PTK2: variants seen among roughly 807,000 people sequenced by gnomAD.
PTK2 encodes the protein protein tyrosine kinase 2, also known as focal adhesion kinase 1.
A neutral mutation model predicts 150.1 loss-of-function variants in PTK2; 45 were observed. The ratio of observed to expected loss-of-function variants is 0.30; its 90% confidence interval spans 0.24 to 0.38. The LOEUF is 0.38. PTK2 is among the 10% of genes least tolerant of loss of function. The pLI, the probability that PTK2 is intolerant of heterozygous loss-of-function variation, is 1.00. For missense variants in PTK2, 919 were observed against 1,307.3 expected, an observed-to-expected ratio of 0.70 and a Z score of 4.58; for synonymous variants, 432 against 449.2, an observed-to-expected ratio of 0.96 and a Z score of 0.48.
rs80267422 is a variant in PTK2, at chr8:140,884,554, C to A, written c.196-4917G>T. ...GAGAACAGCTTACACTTCTAACACA[C>A]ACAAAGTGTCCAGTGATGACACCTA... is the stretch of plus-strand genomic sequence containing the variant. On this transcript the variant is annotated intron_variant, in intron 3 of 31. Coordinates refer to ENST00000522684, the Ensembl canonical transcript of PTK2. Among the ~76,000 whole-genome samples, 5 of 152,266 alleles carry A rather than the reference C, an allele frequency of 3.3e-5. No individual in the cohort carries two copies. In the East Asian group the frequency reaches 9.7e-4, roughly 29 times the overall value.
At chr8:140,998,811 T>A (rs1294091331) in intron 1 of PTK2, among the ~76,000 whole-genome samples, 15 of 127,264 alleles carry the variant, frequency 1.2e-4, no homozygotes, top group African/African-American at 3.4e-4. Flanking sequence ...AGGGTGAGAC[T>A]CCGTCTCAAA....
At chr8:140,916,939 C>T (rs774940367) in intron 2 of PTK2, among the ~76,000 whole-genome samples, 2 of 152,152 alleles carry the variant, frequency 1.3e-5, no homozygotes, top group Non-Finnish European at 2.9e-5. Flanking sequence ...AGAGAGCTTA[C>T]AAACATTTGT....
At chr8:140,970,589 C>T (rs559248418) in intron 1 of PTK2, among the ~76,000 whole-genome samples, 88 of 152,342 alleles carry the variant, frequency 5.8e-4, no homozygotes, top group Middle Eastern at 3.4e-3. Flanking sequence ...AAGAAACTGT[C>T]CACTTTGCTC....
chr8:140,978,811 C>T (rs1393575082), intron 1 of PTK2, among the ~76,000 whole-genome samples: 4 of 150,882 alleles, frequency 2.7e-5, no homozygotes, highest in Non-Finnish European at 4.4e-5. Context: ...CACATGCACA[C>T]ATGTTTATTG....
chr8:140,899,510 A>G (rs1336894285), intron 2 of PTK2, among the ~76,000 whole-genome samples: 1 of 152,208 alleles, frequency 6.6e-6, no homozygotes, highest in Non-Finnish European at 1.5e-5. Flanking sequence ...GAATTTTACA[A>G]AAAACATTTT....
chr8:140,838,753 G>T (rs1027546074), intron 7 of PTK2, among the ~76,000 whole-genome samples: 3 of 152,038 alleles, frequency 2.0e-5, no homozygotes, highest in Non-Finnish European at 2.9e-5. Context: ...ACGCTTGTAA[G>T]CCCAGCACTT....
intron 23 of PTK2, among the ~76,000 whole-genome samples, chr8:140,716,431 G>A (rs1436982588): frequency 6.6e-6 from 1 of 152,200 alleles, no homozygotes; most frequent in Non-Finnish European, 1.5e-5. Context: ...AACGACAGGT[G>A]TTCTCACTGC....
chr8:140,920,904 C>T lies in PTK2; in HGVS notation c.-33+4757G>A, dbSNP rs781505844. On this transcript the variant is annotated intron_variant, in intron 2 of 31. Transcript: ENST00000522684. ...TTCAGGGCCTCTTGGCCTGCCAGTT[C>T]CAACAACATACACCCAATCCTATAA... is the stretch of plus-strand genomic sequence containing the variant. The T allele has an allele frequency of 1.1e-5, 16 of 1,522,672 alleles. No individual in the cohort carries two copies. The South Asian group carries it at 1.7e-4, about 16-fold the overall frequency. 94.3% of individuals were successfully genotyped at this position (1,522,672 alleles called of 1,614,324 possible).
chr8:140,689,747 G>T (rs1040934346), intron 26 of PTK2, among the ~76,000 whole-genome samples: 4 of 152,264 alleles, frequency 2.6e-5, no homozygotes, highest in African/African-American at 9.6e-5. Context: ...GAGACTCTAG[G>T]TAAAGGGAAC....
intron 5 of PTK2, among the ~76,000 whole-genome samples, chr8:140,862,115 G>A (rs1801827495): frequency 6.6e-6 from 1 of 152,048 alleles, no homozygotes; most frequent in Non-Finnish European, 1.5e-5. Context: ...TGTGAACTAG[G>A]AACAAAAAAG....
At chr8:140,710,267 T>C (rs1591574842) in intron 23 of PTK2, among the ~76,000 whole-genome samples, 3 of 149,428 alleles carry the variant, frequency 2.0e-5, no homozygotes, top group South Asian at 2.1e-4. Context: ...GAAGTGGAGG[T>C]TGCAGTGACC....
At chr8:140,866,059 G>C (rs2100139070) in intron 4 of PTK2, among the ~76,000 whole-genome samples, 1 of 152,166 alleles carries the variant, frequency 6.6e-6, no homozygotes, top group Admixed American at 6.5e-5. Context: ...GAAGTGCTGA[G>C]ATTACAGGCG....
At chr8:140,812,818 A>G (rs2100102381) in intron 10 of PTK2, among the ~76,000 whole-genome samples, 1 of 152,226 alleles carries the variant, frequency 6.6e-6, no homozygotes, top group African/African-American at 2.4e-5. Context: ...GTTCAATCCA[A>G]CGAGAAGGCC....
chr8:140,789,389 G>A (rs548922941), intron 14 of PTK2, 85 bp downstream of exon 14: 320 of 1,333,176 alleles, frequency 2.4e-4, no homozygotes, highest in Middle Eastern at 1.9e-3. Flanking sequence ...ATTCTAGAAC[G>A]AAGCAATTAT....
chr8:140,725,858 A>C (rs1159436165), intron 22 of PTK2, among the ~76,000 whole-genome samples: 8 of 151,514 alleles, frequency 5.3e-5, no homozygotes, highest in Admixed American at 2.0e-4. Context: ...AAAAAAAAAA[A>C]CCCATAAAAA....
At chr8:140,857,173 C>G (rs1010195228) in intron 5 of PTK2, among the ~76,000 whole-genome samples, 2 of 152,180 alleles carry the variant, frequency 1.3e-5, no homozygotes, top group African/African-American at 4.8e-5. Flanking sequence ...TGGCCTTTAC[C>G]TTCTTATATA....
chr8:140,807,489 G>C (rs1257039009), intron 10 of PTK2, among the ~76,000 whole-genome samples: 1 of 152,176 alleles, frequency 6.6e-6, no homozygotes, highest in Non-Finnish European at 1.5e-5. Context: ...CATGTAAGTG[G>C]TCATTACAAG....
intron 1 of PTK2, among the ~76,000 whole-genome samples, chr8:140,935,420 A>C (rs1166960557): frequency 6.6e-6 from 1 of 152,088 alleles, no homozygotes; most frequent in East Asian, 1.9e-4. Flanking sequence ...AGCATAAATA[A>C]CACCTAGGCT....
intron 1 of PTK2, among the ~76,000 whole-genome samples, chr8:140,965,928 TC>T (rs2100185093): frequency 6.6e-6 from 1 of 152,302 alleles, no homozygotes; most frequent in South Asian, 2.1e-4. Flanking sequence ...CTCTGCAGCC[TC>T]AGGACCTAAA....
Sources: allele counts gnomAD v4.1 joint callset (sites outside exome capture counted in the v4.1 genomes callset), GRCh38; gene constraint gnomAD v4.1.1; transcripts MANE v1.5; gene names NCBI Gene and HGNC (gene_info 2026-07-23, HGNC 2026-07-21).